PCDHGA2: variants seen among roughly 807,000 people sequenced by gnomAD.
The protein encoded by PCDHGA2 is protocadherin gamma subfamily A, 2, also known as protocadherin gamma-A2.
PCDHGA2 carries 40 observed loss-of-function variants against 59.2 expected under a neutral mutation model. The ratio of observed to expected loss-of-function variants is 0.68; its 90% confidence interval spans 0.52 to 0.88. PCDHGA2 has a LOEUF of 0.88. Among genes scored for constraint, PCDHGA2 ranks in the 40% least tolerant of loss-of-function variants. The pLI is 0.00. For missense variants in PCDHGA2, 1,226 were observed against 1,204.0 expected (o/e 1.02, Z -0.27); for synonymous variants, 560 against 526.0 (o/e 1.06, Z -0.89).
Position 141,340,061 on chromosome 5 carries a change from A to G in PCDHGA2, c.1090A>G (p.Thr364Ala), listed in dbSNP as rs768653761. ...SSVSEDSLPG[T>A]IIGLFNVHDR... ...AGTTTCTGAAGACTCTCTTCCAGGA[A>G]CCATAATTGGGCTTTTTAATGTACA... The change falls in exon 1 of 4, where the codon ACC becomes GCC. Residue 364 changes from threonine (T) to alanine (A), a missense_variant. Physicochemically the swap from Thr to Ala is moderately conservative, Grantham distance 58. Coordinates refer to ENST00000394576, the MANE Select transcript of PCDHGA2 (RefSeq NM_018915.4). 4 of 1,614,086 alleles carry G rather than the reference A, an allele frequency of 2.5e-6. No individual in the cohort carries two copies. The highest frequency in any genetic ancestry group is 2.2e-5 in the South Asian group (2 of 91,066).
intron 1 of PCDHGA2, among the ~76,000 whole-genome samples, chr5:141,457,190 G>A (rs2098913282): frequency 6.6e-6 from 1 of 152,200 alleles, no homozygotes; most frequent in African/African-American, 2.4e-5. Context: ...GTAGAGTGAG[G>A]AAAGCAGTTC....
Position 141,486,390 on chromosome 5 carries a change from C to G in PCDHGA2, c.2425-8417C>G. 6.2e-7 allele frequency: 1 copy of G among 1,614,138 alleles called. No individual in the cohort carries two copies. The highest frequency in any genetic ancestry group is 8.5e-7 in the Non-Finnish European group (1 of 1,179,996). Reference sequence around the variant, plus strand: ...AAGTCTGCCTTCAGGAACCAGTTCTCCCTGGTGACTGCTGGACCCTTGGAT... The same window carrying G: ...AAGTCTGCCTTCAGGAACCAGTTCTGCCTGGTGACTGCTGGACCCTTGGAT... On this transcript the variant is annotated intron_variant, in intron 1 of 3. Coordinates refer to ENST00000394576, the MANE Select transcript of PCDHGA2 (RefSeq NM_018915.4). This position sits in a 1 kb window ranked among gnomAD's most constrained non-coding sequence, Gnocchi z 5.0.
chr5:141,359,903 A>G (rs989342788), intron 1 of PCDHGA2: 1 of 412,252 alleles, frequency 2.4e-6, no homozygotes, highest in Non-Finnish European at 4.3e-6. Context: ...TTGACAAGCC[A>G]TTAGTGCAGT....
At position 141,383,548 on chromosome 5, in the gene PCDHGA2, G is replaced by A. The variant is rs768977528; in HGVS notation, c.2424+42153G>A. 33 of 1,612,508 alleles carry A rather than the reference G, an allele frequency of 2.0e-5. 1 individual carries two copies. In the Admixed American group the frequency reaches 2.3e-4, roughly 11 times the overall value. ...CCACCTGGTCCTCACAGCCTCTGATGGCGGCGACCCGCCCCGATCCAGCAC... is the reference window on the plus strand; with the variant it reads ...CCACCTGGTCCTCACAGCCTCTGATAGCGGCGACCCGCCCCGATCCAGCAC... On this transcript the variant is annotated intron_variant, in intron 1 of 3. Coordinates refer to ENST00000394576, the MANE Select transcript of PCDHGA2 (RefSeq NM_018915.4).
In PCDHGA2 at chr5:141,485,870, C is replaced by A. The variant is rs745737454; in HGVS notation, c.2425-8937C>A. On this transcript the variant is annotated intron_variant, in intron 1 of 3. Coordinates refer to ENST00000394576, the MANE Select transcript of PCDHGA2 (RefSeq NM_018915.4). The surrounding 1 kb of genome is among the most constrained non-coding windows in gnomAD (Gnocchi z 5.7). ...CACCGCAGAGCTCCGGGTATCCGTGCTGGACGTAAACGACAACGCCCCAGC... is the reference window on the plus strand; with the variant it reads ...CACCGCAGAGCTCCGGGTATCCGTGATGGACGTAAACGACAACGCCCCAGC... 1 of 1,614,174 alleles carries A rather than the reference C, an allele frequency of 6.2e-7. No homozygotes were observed. Among genetic ancestry groups the A allele is most frequent in the Non-Finnish European group, 8.5e-7 (1 of 1,180,032 alleles).
At chr5:141,385,013 T>C (rs1588986326) in intron 1 of PCDHGA2, 1 of 1,614,162 alleles carries the variant, frequency 6.2e-7, no homozygotes, top group Non-Finnish European at 8.5e-7. Context: ...TGCGTCTTCC[T>C]AGCCTTCGTC....
chr5:141,369,052 A>G (rs1386795265), intron 1 of PCDHGA2, among the ~76,000 whole-genome samples: 2 of 152,180 alleles, frequency 1.3e-5, no homozygotes. Flanking sequence ...ACAATACATT[A>G]TGTAGGCTAA....
At chr5:141,469,833 TTA>T (rs1343669772) in intron 1 of PCDHGA2, among the ~76,000 whole-genome samples, 2 of 152,054 alleles carry the variant, frequency 1.3e-5, no homozygotes, top group Non-Finnish European at 2.9e-5. Flanking sequence ...CACATAAAAC[TTA>T]TTCTTAAGAT....
chr5:141,439,588 T>C (rs2098121813), intron 1 of PCDHGA2, among the ~76,000 whole-genome samples: 2 of 152,200 alleles, frequency 1.3e-5, no homozygotes, highest in South Asian at 4.1e-4. Flanking sequence ...AGTGCCACTG[T>C]TGGCCAGTCT....
At chr5:141,351,793 C>A (rs773058323) in intron 1 of PCDHGA2, 2 of 1,613,378 alleles carry the variant, frequency 1.2e-6, no homozygotes, top group Admixed American at 1.7e-5. Flanking sequence ...GGGTGGTGTT[C>A]GCGCAGCGCG....
rs1236959966 is a variant in PCDHGA2, at chr5:141,511,984, G to C, written c.*811G>C. On this transcript the variant is annotated 3_prime_UTR_variant, in exon 4 of 4. Transcript: ENST00000394576. ...GGGAAGTGTGTGGATGTGGATGGTGGGGGCATGGACAAAGCTTGACACATC... is the reference window on the plus strand; with the variant it reads ...GGGAAGTGTGTGGATGTGGATGGTGCGGGCATGGACAAAGCTTGACACATC... 1 of 153,294 alleles carries C rather than the reference G, an allele frequency of 6.5e-6. No individual in the cohort carries two copies. Among genetic ancestry groups the C allele is most frequent in the African/African-American group, 2.4e-5 (1 of 41,452 alleles). 9.5% of individuals were successfully genotyped at this position (153,294 alleles called of 1,614,324 possible). A position where few individuals can be genotyped will look rare whatever the true frequency, so the allele number is the denominator to read the frequency against.
rs1338021572 is a variant in PCDHGA2 at position 141,339,268 on chromosome 5, C to A, written c.297C>A (p.Ser99Arg). ...RIDREELCAQ[S>R]APCLLNFNIL... ...ACCGGGAGGAGCTCTGCGCTCAGAG[C>A]GCACCCTGTCTGTTGAATTTTAACA... The change falls in exon 1 of 4, where the codon AGC becomes AGA. Residue 99 changes from serine to arginine, a missense_variant. Transcript: ENST00000394576. The A allele has an allele frequency of 1.2e-6, 2 of 1,614,090 alleles. No individual in the cohort carries two copies. The highest frequency in any genetic ancestry group is 1.7e-6 in the Non-Finnish European group (2 of 1,180,028).
chr5:141,385,111 T>C (rs373196114), intron 1 of PCDHGA2: 1 of 1,614,188 alleles, frequency 6.2e-7, no homozygotes, highest in South Asian at 1.1e-5. Context: ...CGTGCCCACC[T>C]CGCACTTTGT....
chr5:141,491,208 C>G lies in PCDHGA2; in HGVS notation c.2425-3599C>G. 6.2e-7 allele frequency: 1 copy of G among 1,614,204 alleles called. No individual in the cohort carries two copies. Among genetic ancestry groups the G allele is most frequent in the Non-Finnish European group, 8.5e-7 (1 of 1,180,026 alleles). ...TGAGGGACAATGGTGACCCTTCACTCTCCTCCACAGCCACAGTGCTGCTGG... is the reference window on the plus strand; with the variant it reads ...TGAGGGACAATGGTGACCCTTCACTGTCCTCCACAGCCACAGTGCTGCTGG... On this transcript the variant is annotated intron_variant, in intron 1 of 3. Coordinates refer to ENST00000394576, the MANE Select transcript of PCDHGA2 (RefSeq NM_018915.4). This position sits in a 1 kb window ranked among gnomAD's most constrained non-coding sequence, Gnocchi z 6.9.
intron 1 of PCDHGA2, chr5:141,350,305 G>A (rs1758443560): frequency 6.6e-7 from 1 of 1,521,768 alleles, no homozygotes; most frequent in African/African-American, 1.4e-5. Flanking sequence ...GTCAGGTACT[G>A]TTTCCCTTCC....
intron 1 of PCDHGA2, chr5:141,366,276 A>G (rs779768182): frequency 1.9e-6 from 3 of 1,613,672 alleles, no homozygotes; most frequent in Non-Finnish European, 2.5e-6. Flanking sequence ...GTCGAAGACC[A>G]TGGCCAGCCC....
Position 141,491,244 on chromosome 5 carries a change from T to A in PCDHGA2, c.2425-3563T>A. 1 of 1,614,210 alleles carries A rather than the reference T, an allele frequency of 6.2e-7. No individual in the cohort carries two copies. Among genetic ancestry groups the A allele is most frequent in the Non-Finnish European group, 8.5e-7 (1 of 1,180,024 alleles). On this transcript the variant is annotated intron_variant, in intron 1 of 3. Coordinates refer to ENST00000394576, the MANE Select transcript of PCDHGA2 (RefSeq NM_018915.4). This position sits in a 1 kb window ranked among gnomAD's most constrained non-coding sequence, Gnocchi z 6.9. ...CCACAGTGCTGCTGGTTCTGGAGGA[T>A]GAGGACCCTGAGGAAATGCCCAAAT...
At chr5:141,360,233 TC>T in intron 1 of PCDHGA2, 1 of 1,613,862 alleles carries the variant, frequency 6.2e-7, no homozygotes, top group Non-Finnish European at 8.5e-7. Context: ...CCAGTCCAGA[TC>T]CGCTATTCAA....
chr5:141,367,972 C>T (rs1765427011), intron 1 of PCDHGA2, among the ~76,000 whole-genome samples: 1 of 152,084 alleles, frequency 6.6e-6, no homozygotes, highest in Non-Finnish European at 1.5e-5. Context: ...CGTATGTGCT[C>T]ATCTTAAATT....
Sources: gnomAD v4.1 joint callset for allele counts (sites outside exome capture counted in the v4.1 genomes callset) on GRCh38, gnomAD v4.1.1 for gene constraint, Gnocchi (gnomAD v3.1) non-coding constraint, MANE v1.5 for transcripts, NCBI Gene and HGNC (gene_info 2026-07-23, HGNC 2026-07-21) for gene names.